INTS8: variants seen among roughly 807,000 people sequenced by gnomAD.
INTS8 encodes integrator complex subunit 8.
Under a neutral mutation model 138.9 loss-of-function variants are expected in INTS8, and 47 were observed. That is an observed-to-expected ratio of 0.34 (90% CI 0.27 to 0.43). The LOEUF (loss-of-function observed/expected upper bound fraction) is 0.43, where lower values mean the gene tolerates loss of function less well. Among genes scored for constraint, INTS8 ranks in the 20% least tolerant of loss-of-function variants. The probability of loss-of-function intolerance (pLI) is 1.00; values close to 1 mark genes in which losing one functional copy is unlikely to be tolerated. For synonymous variants in INTS8, 392 were observed against 400.9 expected (o/e 0.98, Z 0.27); for missense variants, 996 against 1,173.0 (o/e 0.85, Z 2.20).
chr8:94,868,260 A>G (rs1474281544), intron 20 of INTS8, among the ~76,000 whole-genome samples: 1 of 152,152 alleles, frequency 6.6e-6, no homozygotes, highest in Non-Finnish European at 1.5e-5. Context: ...GTTTCCTCAC[A>G]GATGTTTTTC....
In INTS8 at chr8:94,881,617, G is replaced by C; in HGVS notation, c.*1383G>C. The C allele has an allele frequency of 6.2e-7, 1 of 1,610,130 alleles. No individual in the cohort carries two copies. The highest frequency in any genetic ancestry group is 8.5e-7 in the Non-Finnish European group (1 of 1,178,846). On this transcript the variant is annotated 3_prime_UTR_variant, in exon 27 of 27. Transcript: ENST00000523731. ...AATCTTGGTGAATTCCAACTTGTTT[G>C]CTTAGTTATCTTCTTTAGTGTTTTC...
At chr8:94,869,542 G>T (rs1378377114) in intron 20 of INTS8, among the ~76,000 whole-genome samples, 1 of 151,736 alleles carries the variant, frequency 6.6e-6, no homozygotes, top group Non-Finnish European at 1.5e-5. Flanking sequence ...GCCCAGGCTG[G>T]AGTGCAGTGG....
chr8:94,858,569 A>G (rs931662422), intron 15 of INTS8, among the ~76,000 whole-genome samples: 12 of 152,250 alleles, frequency 7.9e-5, no homozygotes, highest in Non-Finnish European at 1.6e-4. Context: ...AGTGCTAACT[A>G]CGTGTCAGGC....
intron 26 of INTS8, chr8:94,879,622 A>C (rs1357398294): frequency 9.7e-6 from 1 of 103,536 alleles, no homozygotes; most frequent in Non-Finnish European, 2.0e-5. Context: ...AAACAAAAAA[A>C]AACCTTTTTT....
chr8:94,847,073 C>G (rs1251135066), intron 10 of INTS8, among the ~76,000 whole-genome samples: 2 of 152,076 alleles, frequency 1.3e-5, no homozygotes, highest in Non-Finnish European at 1.5e-5. Context: ...CGAAGTCTTA[C>G]TGTGTCGGCC....
intron 12 of INTS8, among the ~76,000 whole-genome samples, chr8:94,851,230 GTGTA>G (rs1308811723): frequency 1.4e-5 from 2 of 146,810 alleles, no homozygotes; most frequent in African/African-American, 5.0e-5. Context: ...TGTATAAGTT[GTGTA>G]TAAGTCTGTA....
intron 10 of INTS8, among the ~76,000 whole-genome samples, chr8:94,843,212 A>AT: frequency 6.6e-6 from 1 of 152,274 alleles, no homozygotes; most frequent in East Asian, 1.9e-4. Flanking sequence ...TTCTTTCACT[A>AT]AAGAGATTTA....
intron 10 of INTS8, among the ~76,000 whole-genome samples, chr8:94,848,808 A>G (rs945998437): frequency 1.3e-5 from 2 of 152,160 alleles, no homozygotes; most frequent in Non-Finnish European, 2.9e-5. Flanking sequence ...AAAAATATTT[A>G]GCAATTTCTT....
intron 10 of INTS8, among the ~76,000 whole-genome samples, chr8:94,843,886 C>A (rs542034784): frequency 6.6e-6 from 1 of 152,206 alleles, no homozygotes; most frequent in East Asian, 1.9e-4. Context: ...GTCAGATCGC[C>A]TGTGAGGTGG....
At chr8:94,860,727 C>T (rs573683428) in intron 16 of INTS8, among the ~76,000 whole-genome samples, 29 of 149,134 alleles carry the variant, frequency 1.9e-4, no homozygotes, top group African/African-American at 6.7e-4. Context: ...TTTTGTTATT[C>T]TTTGTTTGTC....
intron 14 of INTS8, 78 bp from the exon 15 acceptor site, chr8:94,856,699 T>C: frequency 8.8e-7 from 1 of 1,141,622 alleles, no homozygotes; most frequent in Non-Finnish European, 1.3e-6. Flanking sequence ...CTTCTCCTCT[T>C]TGCTCTGTCA....
rs1288774095 is a variant in INTS8 at position 94,871,791 on chromosome 8, T to C, written c.2415-93T>C. 6.7e-6 allele frequency: 5 copies of C among 745,264 alleles called. No homozygotes were observed. The Admixed American group carries it at 6.9e-5, about 10-fold the overall frequency. The allele number at this position is 745,264 out of a possible 1,614,324, so 46.2% of individuals were successfully genotyped here. A position where few individuals can be genotyped will look rare whatever the true frequency, so the allele number is the denominator to read the frequency against. ...AGCATTATATTTATGTTCACCTAAA[T>C]CTTGGCTGAGTTTTTGTTTTTAATA... On this transcript the variant is annotated intron_variant, in intron 20 of 26. Coordinates refer to ENST00000523731, the MANE Select transcript of INTS8 (RefSeq NM_017864.4).
intron 8 of INTS8, 95 bp downstream of exon 8, chr8:94,838,713 G>T: frequency 1.0e-6 from 1 of 954,800 alleles, no homozygotes; most frequent in Admixed American, 2.1e-5. Flanking sequence ...ACGCGTTTTG[G>T]GGCAAGTCAT....
chr8:94,840,270 T>C (rs1815084684), intron 8 of INTS8, among the ~76,000 whole-genome samples: 1 of 152,186 alleles, frequency 6.6e-6, no homozygotes. Flanking sequence ...CTTGCTCATG[T>C]TTTGTTATGG....
chr8:94,861,210 ATTTATTGAG>A (rs1434677045), intron 16 of INTS8, among the ~76,000 whole-genome samples: 5 of 139,628 alleles, frequency 3.6e-5, no homozygotes, highest in Non-Finnish European at 7.8e-5. Context: ...CCCTTTCAGG[ATTTATTGAG>A]TTTATTGATT....
At chr8:94,850,121 T>C in intron 12 of INTS8, 30 bp downstream of exon 12, 1 of 1,492,544 alleles carries the variant, frequency 6.7e-7, no homozygotes, top group Non-Finnish European at 9.1e-7. Flanking sequence ...AGCCAAAATG[T>C]TGGCATGTTT....
chr8:94,840,464 G>T (rs1815092625), intron 8 of INTS8, among the ~76,000 whole-genome samples: 2 of 151,670 alleles, frequency 1.3e-5, no homozygotes, highest in South Asian at 4.2e-4. Flanking sequence ...TAATAATCTG[G>T]GTATTTTTTG....
chr8:94,823,914 A>C (rs1311712737), intron 1 of INTS8, among the ~76,000 whole-genome samples: 3 of 152,228 alleles, frequency 2.0e-5, no homozygotes, highest in Non-Finnish European at 4.4e-5. Context: ...CTTCAACCCC[A>C]AGCTGAATAA....
At chr8:94,825,707 T>A (rs1347514301) in intron 2 of INTS8, among the ~76,000 whole-genome samples, 19 of 152,300 alleles carry the variant, frequency 1.2e-4, no homozygotes, top group Non-Finnish European at 1.5e-5. Flanking sequence ...TGCTTAAATA[T>A]AAATAATTTC....
Sources: allele counts gnomAD v4.1 joint callset (sites outside exome capture counted in the v4.1 genomes callset), GRCh38; gene constraint gnomAD v4.1.1; transcripts MANE v1.5; gene names NCBI Gene and HGNC (gene_info 2026-07-23, HGNC 2026-07-21).